FSHR: variants seen among roughly 807,000 people sequenced by gnomAD.
FSHR encodes the protein follicle stimulating hormone receptor, also known as follicle-stimulating hormone receptor.
Under a neutral mutation model 52.1 loss-of-function variants are expected in FSHR, and 46 were observed. The ratio of observed to expected loss-of-function variants is 0.88; its 90% CI spans 0.70 to 1.13. FSHR has a LOEUF of 1.13. Among genes scored for constraint, FSHR ranks in the 50% most tolerant of loss-of-function variants. The pLI is 0.00. For missense variants in FSHR, 964 were observed against 834.6 expected (o/e 1.16, Z -1.91); for synonymous variants, 399 against 309.6 (o/e 1.29, Z -3.03).
intron 2 of FSHR, among the ~76,000 whole-genome samples, chr2:49,022,014 G>T (rs1283409772): frequency 6.6e-6 from 1 of 150,850 alleles, no homozygotes; most frequent in African/African-American, 2.4e-5. Flanking sequence ...GAGAAGGAGG[G>T]GGAAAGGGAT....
chr2:49,143,906 G>A (rs1023830789), intron 1 of FSHR, among the ~76,000 whole-genome samples: 7 of 152,092 alleles, frequency 4.6e-5, no homozygotes, highest in Non-Finnish European at 1.0e-4. Flanking sequence ...GGCAGGGGTG[G>A]AAATCGGGTA....
chr2:48,992,815 C>G (rs1573061167), intron 4 of FSHR, among the ~76,000 whole-genome samples: 1 of 152,232 alleles, frequency 6.6e-6, no homozygotes, highest in Admixed American at 6.5e-5. Flanking sequence ...TCTGCACATG[C>G]TGTCTTCATT....
intron 2 of FSHR, among the ~76,000 whole-genome samples, chr2:49,055,813 A>G (rs1669042373): frequency 1.3e-5 from 2 of 152,138 alleles, no homozygotes; most frequent in Non-Finnish European, 2.9e-5. Flanking sequence ...GCAAAGCTAC[A>G]TTTCAGAAAT....
At chr2:49,006,025 A>C (rs1443251512) in intron 4 of FSHR, among the ~76,000 whole-genome samples, 2 of 152,134 alleles carry the variant, frequency 1.3e-5, no homozygotes. Context: ...CTCAGCCTAC[A>C]TCTTTCTCTC....
At chr2:49,111,040 T>C (rs1671403821) in intron 1 of FSHR, among the ~76,000 whole-genome samples, 1 of 152,218 alleles carries the variant, frequency 6.6e-6, no homozygotes, top group African/African-American at 2.4e-5. Flanking sequence ...GCTTTATGTA[T>C]GGCCTGTGGC....
intron 1 of FSHR, among the ~76,000 whole-genome samples, chr2:49,139,164 A>G (rs1020589213): frequency 7.2e-5 from 11 of 152,220 alleles, no homozygotes; most frequent in Non-Finnish European, 1.6e-4. Flanking sequence ...TTGAAGAACA[A>G]TGCAGGTTTT....
At chr2:48,964,982 C>A (rs1489606652) in intron 9 of FSHR, among the ~76,000 whole-genome samples, 3 of 122,084 alleles carry the variant, frequency 2.5e-5, no homozygotes, top group African/African-American at 9.3e-5. Context: ...ACGTTAGGAC[C>A]TTTTTGGATG....
intron 1 of FSHR, among the ~76,000 whole-genome samples, chr2:49,149,638 C>T (rs562838536): frequency 2.6e-5 from 4 of 152,076 alleles, no homozygotes; most frequent in East Asian, 1.9e-4. Flanking sequence ...TTTTTGTACA[C>T]GATTGATACA....
At chr2:49,137,458 C>G (rs1442964232) in intron 1 of FSHR, among the ~76,000 whole-genome samples, 1 of 152,016 alleles carries the variant, frequency 6.6e-6, no homozygotes, top group Non-Finnish European at 1.5e-5. Context: ...GTTAGTATCC[C>G]AGCTGATTTC....
At chr2:48,976,890 T>C (rs1243037593) in intron 8 of FSHR, among the ~76,000 whole-genome samples, 1 of 152,190 alleles carries the variant, frequency 6.6e-6, no homozygotes, top group Admixed American at 6.5e-5. Flanking sequence ...TTCATTAGTC[T>C]GGCTAGCAGT....
chr2:49,095,773 A>G (rs1455753436), intron 1 of FSHR, among the ~76,000 whole-genome samples: 2 of 152,168 alleles, frequency 1.3e-5, no homozygotes, highest in Non-Finnish European at 2.9e-5. Flanking sequence ...ACCCAACAAC[A>G]AAGGGACAAC....
At chr2:49,043,581 A>T (rs1192082166) in intron 2 of FSHR, among the ~76,000 whole-genome samples, 1 of 152,202 alleles carries the variant, frequency 6.6e-6, no homozygotes, top group Non-Finnish European at 1.5e-5. Context: ...TGTCTGTTCT[A>T]CACTGACTAC....
chr2:49,027,769 G>C (rs553620939), intron 2 of FSHR, among the ~76,000 whole-genome samples: 1 of 150,832 alleles, frequency 6.6e-6, no homozygotes. Flanking sequence ...AGAATCACTT[G>C]AGCCCAGGAG....
At chr2:49,140,313 AC>A (rs1672634710) in intron 1 of FSHR, among the ~76,000 whole-genome samples, 1 of 149,602 alleles carries the variant, frequency 6.7e-6, no homozygotes, top group Non-Finnish European at 1.5e-5. Flanking sequence ...CCCCCGCACC[AC>A]CCCCCACCCA....
intron 2 of FSHR, among the ~76,000 whole-genome samples, chr2:49,052,440 T>G (rs533150839): frequency 6.6e-6 from 1 of 152,360 alleles, no homozygotes; most frequent in South Asian, 2.1e-4. Context: ...CTTTCAATTT[T>G]AGATGTACAT....
chr2:48,972,809 G>A (rs891421927), intron 8 of FSHR, among the ~76,000 whole-genome samples: 1 of 152,192 alleles, frequency 6.6e-6, no homozygotes, highest in African/African-American at 2.4e-5. Flanking sequence ...TTTTCAAAAC[G>A]AGCAATACAA....
intron 1 of FSHR, among the ~76,000 whole-genome samples, chr2:49,110,977 C>T (rs1429040125): frequency 6.6e-6 from 1 of 152,178 alleles, no homozygotes; most frequent in Non-Finnish European, 1.5e-5. Context: ...TAAGGTTCTT[C>T]AAATGGAACC....
intron 4 of FSHR, among the ~76,000 whole-genome samples, chr2:49,011,251 A>G (rs1667260018): frequency 6.6e-6 from 1 of 151,816 alleles, no homozygotes; most frequent in African/African-American, 2.4e-5. Flanking sequence ...TTGGTTTCAA[A>G]GAACATATTT....
At chr2:49,075,305 A>G (rs1462474952) in intron 1 of FSHR, among the ~76,000 whole-genome samples, 1 of 152,150 alleles carries the variant, frequency 6.6e-6, no homozygotes, top group Non-Finnish European at 1.5e-5. Context: ...AATATGTACA[A>G]TTATTATTTG....
Sources: allele counts gnomAD v4.1 joint callset (sites outside exome capture counted in the v4.1 genomes callset), GRCh38; gene constraint gnomAD v4.1.1; transcripts MANE v1.5; gene names NCBI Gene and HGNC (gene_info 2026-07-23, HGNC 2026-07-21).